SHROOM3: variants seen among roughly 807,000 people sequenced by gnomAD.
SHROOM3 encodes protein Shroom3.
Under a neutral mutation model 138.6 loss-of-function variants are expected in SHROOM3, and 47 were observed. The ratio of observed to expected loss-of-function variants is 0.34; its 90% CI spans 0.27 to 0.43. The LOEUF is 0.43. SHROOM3 is among the 20% of genes least tolerant of loss of function. SHROOM3 has a pLI of 1.00. For missense variants in SHROOM3, 2,491 were observed against 2,596.5 expected, an observed-to-expected ratio of 0.96 and a Z score of 0.88; for synonymous variants, 1,062 against 1,063.3, an observed-to-expected ratio of 1.00 and a Z score of 0.02.
intron 1 of SHROOM3, among the ~76,000 whole-genome samples, chr4:76,504,293 GGATTAC>G (rs1732160669): frequency 6.6e-6 from 1 of 152,044 alleles, no homozygotes; most frequent in South Asian, 2.1e-4. Flanking sequence ...CAAGTAGCTT[GGATTAC>G]AGGCATGCGC....
intron 9 of SHROOM3, among the ~76,000 whole-genome samples, chr4:76,770,121 G>A (rs1722300398): frequency 6.6e-6 from 1 of 151,916 alleles, no homozygotes; most frequent in African/African-American, 2.4e-5. Flanking sequence ...TTAGGAGTTC[G>A]AGACCAGTCT....
chr4:76,758,489 C>T (rs930958113), intron 8 of SHROOM3: 2 of 151,294 alleles, frequency 1.3e-5, no homozygotes, highest in African/African-American at 4.9e-5. Context: ...TGCGCCATCT[C>T]CTGGTGGAAA....
At chr4:76,674,550 CTTCCTTT>C in intron 2 of SHROOM3, among the ~76,000 whole-genome samples, 1 of 138,606 alleles carries the variant, frequency 7.2e-6, no homozygotes, top group East Asian at 2.2e-4. Context: ...TCCTTCCTTC[CTTCCTTT>C]TTTTTTTTTT....
Position 76,690,310 on chromosome 4 carries a change from A to C in SHROOM3, c.324-19846A>C, listed in dbSNP as rs573200118. On this transcript the variant is annotated intron_variant, in intron 2 of 10. Coordinates refer to ENST00000296043, the MANE Select transcript of SHROOM3 (RefSeq NM_020859.4). Reference sequence around the variant, plus strand: ...GTGGTTACAAAATTTCAACACCTGGAGCACTCTCTGGGGGTGGGATGTATT... The same window carrying C: ...GTGGTTACAAAATTTCAACACCTGGCGCACTCTCTGGGGGTGGGATGTATT... Among the ~76,000 whole-genome samples, 19 of 152,228 alleles carry C rather than the reference A, an allele frequency of 1.2e-4. No homozygotes were observed. The South Asian group carries it at 1.9e-3, about 15-fold the overall frequency.
chr4:76,569,637 T>G (rs1322799363), intron 2 of SHROOM3, among the ~76,000 whole-genome samples: 1 of 152,098 alleles, frequency 6.6e-6, no homozygotes, highest in Non-Finnish European at 1.5e-5. Flanking sequence ...TAGATGATTC[T>G]CCCTTCTCTC....
At chr4:76,566,819 T>A (rs1733734179) in intron 2 of SHROOM3, among the ~76,000 whole-genome samples, 1 of 152,218 alleles carries the variant, frequency 6.6e-6, no homozygotes, top group Non-Finnish European at 1.5e-5. Context: ...CTCAAATATG[T>A]ATTTTTTACC....
intron 1 of SHROOM3, among the ~76,000 whole-genome samples, chr4:76,521,607 A>G (rs1429598288): frequency 5.9e-5 from 9 of 152,228 alleles, no homozygotes; most frequent in Non-Finnish European, 1.3e-4. Context: ...ACACAGAAAA[A>G]TAACATTGTA....
At chr4:76,625,568 G>A (rs1735116623) in intron 2 of SHROOM3, among the ~76,000 whole-genome samples, 1 of 151,164 alleles carries the variant, frequency 6.6e-6, no homozygotes, top group Non-Finnish European at 1.5e-5. Flanking sequence ...TCAAGATAAA[G>A]TCAAGATTTA....
intron 2 of SHROOM3, among the ~76,000 whole-genome samples, chr4:76,617,027 T>C (rs949531657): frequency 2.2e-4 from 34 of 152,196 alleles, no homozygotes; most frequent in African/African-American, 7.7e-4. Context: ...ACTTTGCATT[T>C]GAAAGGTGAA....
intron 6 of SHROOM3, among the ~76,000 whole-genome samples, chr4:76,752,459 T>A (rs1721656282): frequency 6.6e-6 from 1 of 152,162 alleles, no homozygotes; most frequent in Admixed American, 6.5e-5. Flanking sequence ...CCACAATTTT[T>A]TAAAAATGCT....
chr4:76,709,262 G>A (rs960936930), intron 2 of SHROOM3, among the ~76,000 whole-genome samples: 5 of 152,134 alleles, frequency 3.3e-5, no homozygotes, highest in African/African-American at 1.2e-4. Context: ...TCTGTTTATG[G>A]GCCCACCAGT....
intron 1 of SHROOM3, among the ~76,000 whole-genome samples, chr4:76,460,675 GTC>G (rs1731121730): frequency 6.6e-6 from 1 of 151,656 alleles, no homozygotes; most frequent in South Asian, 2.1e-4. Context: ...CATCTCTGGT[GTC>G]TCTCTGTATA....
At chr4:76,549,873 T>G (rs1227282840) in intron 1 of SHROOM3, among the ~76,000 whole-genome samples, 3 of 151,894 alleles carry the variant, frequency 2.0e-5, no homozygotes, top group African/African-American at 7.3e-5. Flanking sequence ...AGACTAAGAG[T>G]CTACACTTGG....
At position 76,779,095 on chromosome 4, in the gene SHROOM3, C is replaced by T. The variant is rs1049639025; in HGVS notation, c.5909C>T (p.Pro1970Leu). 4 of 1,614,164 alleles carry T rather than the reference C, an allele frequency of 2.5e-6. No individual in the cohort carries two copies. The highest frequency in any genetic ancestry group is 3.4e-6 in the Non-Finnish European group (4 of 1,180,040). The part of the protein sequence containing the change: ...FIPKAGALAL[P>L]PNLTSEPIPA... ...CCCAAGGCTGGGGCCCTGGCTCTGC[C>T]CCCAAACCTCACGAGTGAGCCCATT... The change falls in exon 11 of 11, where the codon CCC becomes CTC. Residue 1970 changes from proline to leucine, a missense_variant. Around this residue, in one of 4 missense-constraint regions of SHROOM3, gnomAD observed 470 missense variants for 595.0 expected, o/e 0.79. Coordinates refer to ENST00000296043, the MANE Select transcript of SHROOM3 (RefSeq NM_020859.4).
intron 1 of SHROOM3, among the ~76,000 whole-genome samples, chr4:76,453,437 C>T (rs1363196262): frequency 6.6e-6 from 1 of 151,854 alleles, no homozygotes; most frequent in African/African-American, 2.4e-5. Context: ...TGCCACAACA[C>T]CTGGCTATTT....
Position 76,458,343 on chromosome 4 carries a change from T to A in SHROOM3, c.168+22123T>A, listed in dbSNP as rs530452090. On this transcript the variant is annotated intron_variant, in intron 1 of 10. Transcript: ENST00000296043. ...ATTAAAACTGATTGTGTCTTTGTAG[T>A]GGGATTTTAAGTGATTCATATTTTC... 5.3e-5 allele frequency among the ~76,000 whole-genome samples: 8 copies of A among 152,338 alleles called. No individual in the cohort carries two copies. The South Asian group carries it at 1.7e-3, about 32-fold the overall frequency.
chr4:76,740,997 C>A lies in SHROOM3; in HGVS notation c.2824C>A (p.Arg942=), dbSNP rs1721231832. ...QSRVLGATSF[R]RRDLELGAPV... ...CCGTGTCTTGGGGGCCACCTCCTTT[C>A]GACGTCGAGACCTGGAGCTGGGGGC... The change falls in exon 5 of 11, where the codon CGA becomes AGA. Residue 942 remains arginine (R), a synonymous_variant. Coordinates refer to ENST00000296043, the MANE Select transcript of SHROOM3 (RefSeq NM_020859.4). The surrounding 1 kb of genome is among the most constrained non-coding windows in gnomAD (Gnocchi z 4.0). 25 of 1,488,664 alleles carry A rather than the reference C, an allele frequency of 1.7e-5. No individual in the cohort carries two copies. Among genetic ancestry groups the A allele is most frequent in the Non-Finnish European group, 2.1e-5 (24 of 1,123,360 alleles). The allele number at this position is 1,488,664 out of a possible 1,614,324, so 92.2% of individuals were successfully genotyped here. A position where few individuals can be genotyped will look rare whatever the true frequency, so the allele number is the denominator to read the frequency against.
At chr4:76,467,041 A>G (rs1388948133) in intron 1 of SHROOM3, among the ~76,000 whole-genome samples, 1 of 118,994 alleles carries the variant, frequency 8.4e-6, no homozygotes, top group African/African-American at 2.8e-5. Flanking sequence ...CAGAACCCAG[A>G]AAAGTTTTTT....
chr4:76,444,412 C>T (rs539356292), intron 1 of SHROOM3, among the ~76,000 whole-genome samples: 1 of 148,676 alleles, frequency 6.7e-6, no homozygotes, highest in African/African-American at 2.5e-5. Flanking sequence ...CTAGCTTTTA[C>T]TGGCTATGTG....
Sources: allele counts gnomAD v4.1 joint callset (sites outside exome capture counted in the v4.1 genomes callset), GRCh38; gene constraint gnomAD v4.1.1; regional missense constraint gnomAD v4.1.1; non-coding constraint Gnocchi (gnomAD v3.1); transcripts MANE v1.5; gene names NCBI Gene and HGNC (gene_info 2026-07-23, HGNC 2026-07-21).